Variants in MAPK13 observed in about 807,000 individuals in gnomAD.
MAPK13 encodes the protein MAP kinase 13.
Under a neutral mutation model 53.5 loss-of-function variants are expected in MAPK13, and 39 were observed. The ratio of observed to expected loss-of-function variants is 0.73; its 90% CI spans 0.56 to 0.95. MAPK13 has a LOEUF of 0.95. MAPK13 is among the 40% of genes least tolerant of loss of function. The probability of loss-of-function intolerance (pLI) is 0.00; values close to 1 mark genes in which losing one functional copy is unlikely to be tolerated. For synonymous variants in MAPK13, 179 were observed against 190.9 expected (o/e 0.94, Z 0.51); for missense variants, 460 against 471.8 (o/e 0.98, Z 0.23).
In MAPK13 at chr6:36,132,675, G is replaced by C. The variant is rs775367734; in HGVS notation, c.304G>C (p.Asp102His). ...AGCCTCCTCCCTGCGCAACTTCTAT[G>C]ACTTGTGAGTTGGGCTGCACTGGGT... ...TPASSLRNFY[D>H]FYLVMPFMQT... The change falls in exon 3 of 12, where the codon GAC becomes CAC. Residue 102 changes from aspartate (D) to histidine (H), a missense_variant. Transcript: ENST00000211287. 3.7e-6 allele frequency: 6 copies of C among 1,614,090 alleles called. No individual in the cohort carries two copies. The South Asian group carries it at 6.6e-5, about 18-fold the overall frequency.
rs1766464200 is a variant in MAPK13 at position 36,138,464 on chromosome 6, T to TA, written c.762+21dup. The TA allele has an allele frequency of 6.2e-7, 1 of 1,610,634 alleles. No individual in the cohort carries two copies. Among genetic ancestry groups the TA allele is most frequent in the African/African-American group, 1.3e-5 (1 of 74,838 alleles). On this transcript the variant is annotated intron_variant, in intron 9 of 11. Transcript: ENST00000211287. ...AAAGCGGTGGGTGGTAAATGGGACC[T>TA]AGGCTGGCCTGGGCTGTGTGCTTGC...
rs925266668 is a variant in MAPK13, at chr6:36,141,886, C to T, written c.*2513C>T. 7 of 152,266 alleles carry T rather than the reference C, an allele frequency of 4.6e-5. No individual in the cohort carries two copies. The highest frequency in any genetic ancestry group is 3.9e-4 in the Admixed American group (6 of 15,280). 9.4% of individuals were successfully genotyped at this position (152,266 alleles called of 1,614,324 possible). A position where few individuals can be genotyped will look rare whatever the true frequency, so the allele number is the denominator to read the frequency against. ...CTCTGTTTTCTCTCCCACAGAATGG[C>T]CCTGCTGTCAAGGAGCTGGGGAGTC... On this transcript the variant is annotated 3_prime_UTR_variant, in exon 12 of 12. Coordinates refer to ENST00000211287, the MANE Select transcript of MAPK13 (RefSeq NM_002754.5).
rs933894690 is a variant in MAPK13 at position 36,144,511 on chromosome 6, T to G, written c.*5138T>G. The stretch of plus-strand genomic sequence containing the variant: ...AGAAATGACTGAAAATAAAGTTGTA[T>G]TCTATTCCAATCCAAGTGCACAGAC... On this transcript the variant is annotated 3_prime_UTR_variant, in exon 12 of 12. Coordinates refer to ENST00000211287, the MANE Select transcript of MAPK13 (RefSeq NM_002754.5). 6.6e-6 allele frequency: 1 copy of G among 152,242 alleles called. No homozygotes were observed. Among genetic ancestry groups the G allele is most frequent in the Non-Finnish European group, 1.5e-5 (1 of 68,040 alleles). The allele number at this position is 152,242 out of a possible 1,614,324, so 9.4% of individuals were successfully genotyped here.
rs959645671 is a variant in MAPK13, at chr6:36,141,613, A to G, written c.*2240A>G. On this transcript the variant is annotated 3_prime_UTR_variant, in exon 12 of 12. Coordinates refer to ENST00000211287, the MANE Select transcript of MAPK13 (RefSeq NM_002754.5). ...CTTGAACCTGGGAGGTGGAGGTTGC[A>G]GTGAGCTGAGATCACACCACTGCAC... The G allele has an allele frequency of 6.6e-6, 1 of 152,460 alleles. No homozygotes were observed. The highest frequency in any genetic ancestry group is 6.5e-5 in the Admixed American group (1 of 15,278). The allele number at this position is 152,460 out of a possible 1,614,324, so 9.4% of individuals were successfully genotyped here.
In MAPK13 at chr6:36,134,122, G is replaced by A. The variant is rs74689731; in HGVS notation, c.308+1443G>A. Reference sequence around the variant, plus strand: ...AGGGGTGGTCAGTTGAAGAAGCAAAGTCAAGGGAATGTGGTTCTAGCACAG... The same window carrying A: ...AGGGGTGGTCAGTTGAAGAAGCAAAATCAAGGGAATGTGGTTCTAGCACAG... On this transcript the variant is annotated intron_variant, in intron 3 of 11. Transcript: ENST00000211287. Among the ~76,000 whole-genome samples, 1,493 of 152,290 alleles carry A rather than the reference G, an allele frequency of 9.8e-3. 11 individuals carry two copies. The highest frequency in any genetic ancestry group is 0.044 in the Middle Eastern group (13 of 294).
In MAPK13 at chr6:36,135,572, G is replaced by A. The variant is rs114027907; in HGVS notation, c.309-181G>A. On this transcript the variant is annotated intron_variant, in intron 3 of 11. Coordinates refer to ENST00000211287, the MANE Select transcript of MAPK13 (RefSeq NM_002754.5). ...CCAGCTGGGCGGCCCGCCACAGGGA[G>A]ACTGGGAGCCAGGAGCCCAGAGGCC... 1.3e-3 allele frequency among the ~76,000 whole-genome samples: 198 copies of A among 152,364 alleles called. 1 individual carries two copies. The highest frequency in any genetic ancestry group is 4.6e-3 in the African/African-American group (190 of 41,584).
rs1391759018 is a variant in MAPK13 at position 36,143,510 on chromosome 6, CTG to C, written c.*4139_*4140del. The C allele has an allele frequency of 6.6e-6, 1 of 152,188 alleles. No individual in the cohort carries two copies. The highest frequency in any genetic ancestry group is 2.4e-5 in the African/African-American group (1 of 41,438). 9.4% of individuals were successfully genotyped at this position (152,188 alleles called of 1,614,324 possible). ...TTGCTGTCTGCTAGGGTGTGGAAAA[CTG>C]TTTTTCCATGGCCCCAAGCAATGCT... On this transcript the variant is annotated 3_prime_UTR_variant, in exon 12 of 12. Coordinates refer to ENST00000211287, the MANE Select transcript of MAPK13 (RefSeq NM_002754.5).
chr6:36,137,688 T>C (rs1235968801), intron 8 of MAPK13, among the ~76,000 whole-genome samples: 1 of 142,554 alleles, frequency 7.0e-6, no homozygotes, highest in Non-Finnish European at 1.5e-5. Context: ...TGGGTGGGCA[T>C]GGTGGCTCAC....
chr6:36,142,105 C>T lies in MAPK13; in HGVS notation c.*2732C>T, dbSNP rs1016004221. Reference sequence around the variant, plus strand: ...CTCTAATCTCATCAGCTCCCACTGCCTCCCCTAGCTAGTCCTTATGTCAGT... The same window carrying T: ...CTCTAATCTCATCAGCTCCCACTGCTTCCCCTAGCTAGTCCTTATGTCAGT... On this transcript the variant is annotated 3_prime_UTR_variant, in exon 12 of 12. Coordinates refer to ENST00000211287, the MANE Select transcript of MAPK13 (RefSeq NM_002754.5). The surrounding 1 kb of genome is among the most constrained non-coding windows in gnomAD (Gnocchi z 4.4). 2 of 152,318 alleles carry T rather than the reference C, an allele frequency of 1.3e-5. No homozygotes were observed. The highest frequency in any genetic ancestry group is 2.9e-5 in the Non-Finnish European group (2 of 68,102). 9.4% of individuals were successfully genotyped at this position (152,318 alleles called of 1,614,324 possible).
In MAPK13 at chr6:36,139,756, T is replaced by A; in HGVS notation, c.*383T>A. 9.9e-6 allele frequency: 2 copies of A among 202,756 alleles called. 1 individual carries two copies. The highest frequency in any genetic ancestry group is 1.6e-4 in the South Asian group (2 of 12,536). 12.6% of individuals were successfully genotyped at this position (202,756 alleles called of 1,614,324 possible). ...TTGAAACAGCAGAACTTGATTCCCT[T>A]ACAGTTCTGGAGGCTGGAAATCTGG... On this transcript the variant is annotated 3_prime_UTR_variant, in exon 12 of 12. Coordinates refer to ENST00000211287, the MANE Select transcript of MAPK13 (RefSeq NM_002754.5).
chr6:36,135,595 G>C (rs1766400619), intron 3 of MAPK13, among the ~76,000 whole-genome samples, 158 bp from the exon 4 acceptor site: 1 of 152,188 alleles, frequency 6.6e-6, no homozygotes, highest in Admixed American at 6.5e-5. Context: ...GAGCCCAGAG[G>C]CCCGTGTGGT....
Position 36,136,043 on chromosome 6 carries a change from C to T in MAPK13, c.442C>T (p.His148Tyr). The T allele has an allele frequency of 6.2e-7, 1 of 1,614,090 alleles. No homozygotes were observed. The highest frequency in any genetic ancestry group is 8.5e-7 in the Non-Finnish European group (1 of 1,180,000). ...LKYIHSAGVV[H>Y]RDLKPGNLAV... ...GTACATCCACTCTGCTGGGGTCGTGCACAGGGTGAGTGCTTTCTCTGCCAT... is the reference window on the plus strand; with the variant it reads ...GTACATCCACTCTGCTGGGGTCGTGTACAGGGTGAGTGCTTTCTCTGCCAT... The change falls in exon 5 of 12, where the codon CAC (histidine) becomes TAC (tyrosine). Residue 148 changes from histidine (H) to tyrosine (Y), a missense_variant. Coordinates refer to ENST00000211287, the MANE Select transcript of MAPK13 (RefSeq NM_002754.5).
intron 8 of MAPK13, 56 bp downstream of exon 8, chr6:36,137,006 AC>A: frequency 1.4e-6 from 2 of 1,449,368 alleles, no homozygotes; most frequent in Non-Finnish European, 1.9e-6. Flanking sequence ...TTCAACAGAC[AC>A]TTTATTTAAA....
intron 3 of MAPK13, among the ~76,000 whole-genome samples, chr6:36,133,858 T>G (rs1252902995): frequency 6.6e-6 from 1 of 152,000 alleles, no homozygotes; most frequent in African/African-American, 2.4e-5. Context: ...GAGGGCCTGA[T>G]AGGAGGCAGA....
intron 3 of MAPK13, among the ~76,000 whole-genome samples, chr6:36,134,069 C>T (rs535075267): frequency 3.9e-5 from 6 of 152,200 alleles, no homozygotes; most frequent in Non-Finnish European, 7.4e-5. Context: ...ACCGCCCTTT[C>T]TAGAAGTTTG....
In MAPK13 at chr6:36,139,354, G is replaced by T. The variant is rs150915766; in HGVS notation, c.1079G>T (p.Arg360Leu). The T allele has an allele frequency of 6.2e-7, 1 of 1,614,054 alleles. No individual in the cohort carries two copies. The highest frequency in any genetic ancestry group is 8.5e-7 in the Non-Finnish European group (1 of 1,180,016). The change falls in exon 12 of 12, where the codon CGG (arginine) becomes CTG (leucine). Residue 360 changes from arginine (R) to leucine (L), a missense_variant. Arg to Leu is a moderately radical substitution (Grantham distance 102). Transcript: ENST00000211287. ...ATTGCCCGGAAGGACTCACGGCGCC[G>T]GAGTGGCATGAAGCTGTAGGGACTC... ...SPIARKDSRR[R>L]SGMKL
At position 36,138,371 on chromosome 6, in the gene MAPK13, A is replaced by C. The variant is rs1766461782; in HGVS notation, c.689A>C (p.Asp230Ala). ...KTLFKGKDYLDQLTQILKVTG... is the reference protein window; with the variant it reads ...KTLFKGKDYLAQLTQILKVTG... ...GCCTTAACCTGCCACCAAGACCTGG[A>C]CCAGCTGACCCAGATCCTGAAAGTG... Residue 230 changes from aspartate to alanine, a missense_variant, in exon 9 of 12, where the codon GAC becomes GCC. By Grantham distance (126) the Asp-to-Ala change is moderately radical. Coordinates refer to ENST00000211287, the MANE Select transcript of MAPK13 (RefSeq NM_002754.5). 3 of 1,613,826 alleles carry C rather than the reference A, an allele frequency of 1.9e-6. No individual in the cohort carries two copies. The highest frequency in any genetic ancestry group is 2.5e-6 in the Non-Finnish European group (3 of 1,179,916).
At position 36,136,671 on chromosome 6, in the gene MAPK13, C is replaced by T. The variant is rs1766423238; in HGVS notation, c.511C>T (p.Leu171=). 1 of 1,613,790 alleles carries T rather than the reference C, an allele frequency of 6.2e-7. No homozygotes were observed. The highest frequency in any genetic ancestry group is 8.5e-7 in the Non-Finnish European group (1 of 1,179,892). The change falls in exon 7 of 12, where the codon CTG becomes TTG. Residue 171 remains leucine, a synonymous_variant. Coordinates refer to ENST00000211287, the MANE Select transcript of MAPK13 (RefSeq NM_002754.5). ...DCELKILDFG[L]ARHADAEMTG... is the part of the protein sequence containing the mutation. ...TGTGCCATAGATTCTGGATTTTGGG[C>T]TGGCGCGACATGCAGACGCCGAGAT...
At chr6:36,138,534 C>T in intron 9 of MAPK13, 90 bp downstream of exon 9, 2 of 1,368,324 alleles carry the variant, frequency 1.5e-6, no homozygotes, top group Non-Finnish European at 1.0e-6. Flanking sequence ...GAAGAAGGCT[C>T]ACCAGCACCT....
Sources: allele counts gnomAD v4.1 joint callset (sites outside exome capture counted in the v4.1 genomes callset), GRCh38; gene constraint gnomAD v4.1.1; non-coding constraint Gnocchi (gnomAD v3.1); transcripts MANE v1.5; gene names NCBI Gene and HGNC (gene_info 2026-07-23, HGNC 2026-07-21).